The following MYH7 variants were observed in gnomAD, a reference collection of about 807,000 sequenced individuals.
MYH7 encodes myosin-7.
In MYH7, 129 loss-of-function variants were observed where a neutral mutation model predicts 225.4. The observed-to-expected ratio is 0.57, with a 90% CI of 0.50 to 0.66. The LOEUF is 0.66. Ranked by LOEUF, MYH7 falls within the 30% of genes least tolerant of loss-of-function variation. The pLI, the probability that MYH7 is intolerant of heterozygous loss-of-function variation, is 0.00. For missense variants in MYH7, 1,649 were observed against 2,517.0 expected, an observed-to-expected ratio of 0.66 and a Z score of 7.38; for synonymous variants, 971 against 1,007.6, an observed-to-expected ratio of 0.96 and a Z score of 0.69.
In MYH7 at chr14:23,419,345, C is replaced by T. The variant is rs140017584; in HGVS notation, c.3854-50G>A. ...GCACTCCTCTCTATCCCCACCTCCTCCTCTAGCCCTCAGGCCCCATTTTCT... is the reference window on the plus strand; with the variant it reads ...GCACTCCTCTCTATCCCCACCTCCTTCTCTAGCCCTCAGGCCCCATTTTCT... On this transcript the variant is annotated intron_variant, in intron 28 of 39. Transcript: ENST00000355349. 1.0e-3 allele frequency: 1,621 copies of T among 1,612,770 alleles called. 12 individuals are homozygous for T. In the African/African-American group the frequency reaches 0.016, roughly 16 times the overall value.
At chr14:23,422,468 G>T (rs1892513069) in intron 24 of MYH7, 143 bp from the exon 25 acceptor site, 2 of 1,067,784 alleles carry the variant, frequency 1.9e-6, no homozygotes, top group African/African-American at 1.6e-5. Flanking sequence ...GTTATTAGGG[G>T]ACTGTGAGAT....
rs575979437 is a variant in MYH7 at position 23,425,582 on chromosome 14, A to T, written c.2286+113T>A. On this transcript the variant is annotated intron_variant, in intron 20 of 39. Transcript: ENST00000355349. This position sits in a 1 kb window ranked among gnomAD's most constrained non-coding sequence, Gnocchi z 4.6. ...GAGTGGTGCTAGATGTTCCACTGGG[A>T]GGGGTAGCATACAGGTAAGAGATTT... 4 of 1,588,266 alleles carry T rather than the reference A, an allele frequency of 2.5e-6. No individual in the cohort carries two copies. The highest frequency in any genetic ancestry group is 3.4e-6 in the Non-Finnish European group (4 of 1,162,772).
chr14:23,432,373 G>A, intron 6 of MYH7, 106 bp downstream of exon 6: 2 of 1,412,478 alleles, frequency 1.4e-6, no homozygotes, highest in Non-Finnish European at 2.0e-6. Flanking sequence ...CACGAGGTTG[G>A]GGGGAAAGAG....
chr14:23,420,226 G>C lies in MYH7; in HGVS notation c.3345C>G (p.Ile1115Met), dbSNP rs786204377. 6.2e-7 allele frequency: 1 copy of C among 1,609,200 alleles called. No individual in the cohort carries two copies. The highest frequency in any genetic ancestry group is 8.5e-7 in the Non-Finnish European group (1 of 1,178,686). ...CCTCCAGCTCCTCCTCCAGCTCCTC[G>C]ATGCGTGCCTGGTCAGACACAAAGG... The part of the protein sequence containing the change: ...QKKLKELQAR[I>M]EELEEELEAE... Residue 1115 changes from isoleucine (I) to methionine (M), a missense_variant, in exon 27 of 40, where the codon ATC (isoleucine) becomes ATG (methionine). This residue lies in a region of MYH7 where 106 missense variants were observed against 198.8 expected (regional missense o/e 0.53). Coordinates refer to ENST00000355349, the MANE Select transcript of MYH7 (RefSeq NM_000257.4).
chr14:23,424,669 G>GAA (rs1253563440), intron 22 of MYH7, 100 bp downstream of exon 22: 12 of 1,589,284 alleles, frequency 7.6e-6, no homozygotes, highest in African/African-American at 1.3e-5. Context: ...TCCTCTGACT[G>GAA]AAGGAACAAG....
Position 23,415,991 on chromosome 14 carries a change from T to C in MYH7, c.4953+13A>G. ...CCAGGCCACGTGGAGGCCAGTCCCC[T>C]CTGGGTGAGTACCTTCAACAAGCTC... On this transcript the variant is annotated intron_variant, in intron 34 of 39. Coordinates refer to ENST00000355349, the MANE Select transcript of MYH7 (RefSeq NM_000257.4). The surrounding 1 kb of genome is among the most constrained non-coding windows in gnomAD (Gnocchi z 6.3). 1 of 1,614,142 alleles carries C rather than the reference T, an allele frequency of 6.2e-7. No homozygotes were observed. Among genetic ancestry groups the C allele is most frequent in the Non-Finnish European group, 8.5e-7 (1 of 1,180,038 alleles).
In MYH7 at chr14:23,425,250, G is replaced by A. The variant is rs962005993; in HGVS notation, c.2423+32C>T. On this transcript the variant is annotated intron_variant, in intron 21 of 39. Coordinates refer to ENST00000355349, the MANE Select transcript of MYH7 (RefSeq NM_000257.4). This position sits in a 1 kb window ranked among gnomAD's most constrained non-coding sequence, Gnocchi z 4.6. ...CCCCTGAACCAGCCTGGGCCTCAGA[G>A]AAGCGGGAAACCTCCTCTTGAGATC... 6.8e-6 allele frequency: 11 copies of A among 1,614,046 alleles called. No individual in the cohort carries two copies. The highest frequency in any genetic ancestry group is 9.3e-6 in the Non-Finnish European group (11 of 1,180,032).
At position 23,425,715 on chromosome 14, in the gene MYH7, A is replaced by G. The variant is rs1223446575; in HGVS notation, c.2266T>C (p.Tyr756His). Residue 756 changes from tyrosine (Y) to histidine (H), a missense_variant, in exon 20 of 40, where the codon TAC becomes CAC. By Grantham distance (83) the Tyr-to-His change is moderately conservative (BLOSUM62 2). Coordinates refer to ENST00000355349, the MANE Select transcript of MYH7 (RefSeq NM_000257.4). The surrounding 1 kb of genome is among the most constrained non-coding windows in gnomAD (Gnocchi z 4.6). ...CTCACCTTGGTGTGGCCAAACTTGT[A>G]CTGGTTGTGATCAATGTCCAGGGAG... ...LSSLDIDHNQ[Y>H]KFGHTKVFFK... 2 of 1,613,952 alleles carry G rather than the reference A, an allele frequency of 1.2e-6. No homozygotes were observed. Among genetic ancestry groups the G allele is most frequent in the Non-Finnish European group, 1.7e-6 (2 of 1,179,850 alleles).
At chr14:23,431,338 G>GGAGA in intron 9 of MYH7, 80 bp downstream of exon 9, 2 of 1,360,798 alleles carry the variant, frequency 1.5e-6, no homozygotes, top group South Asian at 2.3e-5. Flanking sequence ...GGGAGGGAGG[G>GGAGA]GAGAGAGAGA....
rs534996223 is a variant in MYH7, at chr14:23,429,451, G to A, written c.1139-104C>T. 132 of 1,179,076 alleles carry A rather than the reference G, an allele frequency of 1.1e-4. 1 individual carries two copies. Among genetic ancestry groups the A allele is most frequent in the African/African-American group, 7.1e-4 (47 of 66,382 alleles). 73.0% of individuals were successfully genotyped at this position (1,179,076 alleles called of 1,614,324 possible). The stretch of plus-strand genomic sequence containing the variant: ...AGCACTTTGGGAGGCCAAGGCAGGC[G>A]GATCACTTGAGGTCAGGAGTTTGAG... On this transcript the variant is annotated intron_variant, in intron 12 of 39. Transcript: ENST00000355349.
rs905397496 is a variant in MYH7 at position 23,433,250 on chromosome 14, C to T, written c.202-23G>A. ...TGTCTGCAAGAGCCCCCACCCAAGC[C>T]CTCCTGTCAGCCTGGGCTTTCCCTC... On this transcript the variant is annotated intron_variant, in intron 3 of 39. Transcript: ENST00000355349. This position sits in a 1 kb window ranked among gnomAD's most constrained non-coding sequence, Gnocchi z 4.1. 2.5e-6 allele frequency: 4 copies of T among 1,614,118 alleles called. No homozygotes were observed. Among genetic ancestry groups the T allele is most frequent in the Non-Finnish European group, 3.4e-6 (4 of 1,180,020 alleles).
At chr14:23,414,713 T>A (rs1892112135) in intron 37 of MYH7, among the ~76,000 whole-genome samples, 1 of 152,164 alleles carries the variant, frequency 6.6e-6, no homozygotes, top group Non-Finnish European at 1.5e-5. Context: ...ATTTGCTTTC[T>A]GGTGAGCTGT....
chr14:23,415,704 C>G lies in MYH7; in HGVS notation c.5082G>C (p.Gln1694His). The G allele has an allele frequency of 6.2e-7, 1 of 1,614,214 alleles. No individual in the cohort carries two copies. Reference protein sequence around the residue: ...ELEELRAVVEQTERSRKLAEQ... With the variant: ...ELEELRAVVEHTERSRKLAEQ... ...CCGCCAGCTTCCGGGACCGCTCTGT[C>G]TGCTCCACCACGGCACGCAACTCCT... The change falls in exon 35 of 40, where the codon CAG becomes CAC. Residue 1694 changes from glutamine to histidine, a missense_variant. Around this residue, in one of 12 missense-constraint regions of MYH7, gnomAD observed 687 missense variants for 913.8 expected, o/e 0.75. Transcript: ENST00000355349. The surrounding 1 kb of genome is among the most constrained non-coding windows in gnomAD (Gnocchi z 6.3).
rs1237513926 is a variant in MYH7 at position 23,433,008 on chromosome 14, A to G, written c.345+76T>C. On this transcript the variant is annotated intron_variant, in intron 4 of 39. Transcript: ENST00000355349. This position sits in a 1 kb window ranked among gnomAD's most constrained non-coding sequence, Gnocchi z 4.1. ...AACCCTGCCTAGACACAAACAGAAG[A>G]CACTCTTGGCTCCTGGGGTGGACAT... 1.2e-6 allele frequency: 2 copies of G among 1,602,490 alleles called. No individual in the cohort carries two copies. Among genetic ancestry groups the G allele is most frequent in the Non-Finnish European group, 8.5e-7 (1 of 1,170,914 alleles).
chr14:23,428,479 G>A, intron 15 of MYH7, 21 bp downstream of exon 15: 1 of 1,614,172 alleles, frequency 6.2e-7, no homozygotes, highest in Non-Finnish European at 8.5e-7. Context: ...GAGAATTCAG[G>A]TGGTAAGGCC....
chr14:23,416,495 C>T (rs1243336013), intron 33 of MYH7, among the ~76,000 whole-genome samples, 183 bp from the exon 34 acceptor site: 1 of 152,132 alleles, frequency 6.6e-6, no homozygotes, highest in Non-Finnish European at 1.5e-5. Flanking sequence ...GAAAGTGATT[C>T]AGGCCCTCAC....
intron 10 of MYH7, 118 bp from the exon 11 acceptor site, chr14:23,430,781 C>A: frequency 7.9e-7 from 1 of 1,267,320 alleles, no homozygotes; most frequent in Non-Finnish European, 1.2e-6. Context: ...GCCCCACATC[C>A]CACTGAATTG....
At chr14:23,431,359 C>A in intron 9 of MYH7, 59 bp downstream of exon 9, 6 of 1,544,000 alleles carry the variant, frequency 3.9e-6, no homozygotes, top group Non-Finnish European at 5.4e-6. Context: ...GAGGTCAAGA[C>A]CAGATGGTCT....
rs1316763758 is a variant in MYH7, at chr14:23,433,529, C to T, written c.201+3G>A. On this transcript the variant is annotated splice_donor_region_variant and intron_variant, in intron 3 of 39. Coordinates refer to ENST00000355349, the MANE Select transcript of MYH7 (RefSeq NM_000257.4). This position sits in a 1 kb window ranked among gnomAD's most constrained non-coding sequence, Gnocchi z 4.1. ...TGGACTCTCACATCAGCCTGACACC[C>T]ACCTTGCCATACTCGGTCTCGGCAG... The T allele has an allele frequency of 6.2e-7, 1 of 1,613,850 alleles. No individual in the cohort carries two copies. The highest frequency in any genetic ancestry group is 1.7e-5 in the Admixed American group (1 of 60,034).
Sources: allele counts gnomAD v4.1 joint callset (sites outside exome capture counted in the v4.1 genomes callset), GRCh38; gene constraint gnomAD v4.1.1; regional missense constraint gnomAD v4.1.1; non-coding constraint Gnocchi (gnomAD v3.1); transcripts MANE v1.5; gene names NCBI Gene and HGNC (gene_info 2026-07-23, HGNC 2026-07-21).